Variants in IFNGR2 observed in about 807,000 individuals in gnomAD.
IFNGR2 encodes interferon gamma receptor 2.
A neutral mutation model predicts 41.1 loss-of-function variants in IFNGR2; 15 were observed. The ratio of observed to expected loss-of-function variants is 0.37; its 90% CI spans 0.24 to 0.56. The LOEUF (loss-of-function observed/expected upper bound fraction) is 0.56. Ranked by LOEUF, IFNGR2 falls within the 20% of genes least tolerant of loss-of-function variation. The pLI is 0.81. For missense variants in IFNGR2, 362 were observed against 415.7 expected, an observed-to-expected ratio of 0.87 and a Z score of 1.12; for synonymous variants, 161 against 171.6, an observed-to-expected ratio of 0.94 and a Z score of 0.48.
intron 1 of IFNGR2, among the ~76,000 whole-genome samples, chr21:33,406,146 G>A (rs939535485): frequency 6.6e-6 from 1 of 152,216 alleles, no homozygotes; most frequent in Non-Finnish European, 1.5e-5. Context: ...GCAGAGGTGA[G>A]CAGATCACCT....
intron 2 of IFNGR2, 117 bp from the exon 3 acceptor site, chr21:33,421,363 T>G (rs1438163468): frequency 2.7e-6 from 2 of 730,172 alleles, no homozygotes; most frequent in East Asian, 2.6e-5. Flanking sequence ...GGGGGGGAAC[T>G]GTATGGTACA....
intron 4 of IFNGR2, 114 bp downstream of exon 4, chr21:33,427,146 C>T (rs917591412): frequency 2.2e-6 from 2 of 916,662 alleles, no homozygotes; most frequent in Non-Finnish European, 3.6e-6. Flanking sequence ...GTCCCCGTGT[C>T]CCCATAGAGG....
chr21:33,403,670 G>A lies in IFNGR2; in HGVS notation c.73+54G>A, dbSNP rs2083657373. 3.3e-6 allele frequency: 4 copies of A among 1,217,616 alleles called. No individual in the cohort carries two copies. In the Admixed American group the frequency reaches 1.3e-4, roughly 39 times the overall value. 75.4% of individuals were successfully genotyped at this position (1,217,616 alleles called of 1,614,324 possible). A position where few individuals can be genotyped will look rare whatever the true frequency, so the allele number is the denominator to read the frequency against. On this transcript the variant is annotated intron_variant, in intron 1 of 6. Coordinates refer to ENST00000290219, the MANE Select transcript of IFNGR2 (RefSeq NM_005534.4). ...GACGCGGGCGCAGCCGCAGCATGTG[G>A]GGGCTGGGGGACTCCCGGATCGTGG... is the stretch of plus-strand genomic sequence containing the variant.
chr21:33,422,426 G>A (rs770301000), intron 3 of IFNGR2, among the ~76,000 whole-genome samples: 104 of 152,106 alleles, frequency 6.8e-4, no homozygotes, highest in Non-Finnish European at 9.7e-4. Context: ...TGTGATCACC[G>A]TCTAGATATT....
chr21:33,406,769 T>A (rs1414233028), intron 1 of IFNGR2, among the ~76,000 whole-genome samples: 2 of 151,228 alleles, frequency 1.3e-5, no homozygotes, highest in Non-Finnish European at 2.9e-5. Context: ...CACCTCAGCC[T>A]CCTGAGTAGC....
At chr21:33,435,712 G>A (rs1034940165) in intron 6 of IFNGR2, among the ~76,000 whole-genome samples, 10 of 151,738 alleles carry the variant, frequency 6.6e-5, no homozygotes, top group Non-Finnish European at 1.3e-4. Context: ...GTGAAACCCT[G>A]TCTCTACTAA....
At chr21:33,417,234 G>C (rs1423221280) in intron 2 of IFNGR2, among the ~76,000 whole-genome samples, 1 of 151,874 alleles carries the variant, frequency 6.6e-6, no homozygotes, top group African/African-American at 2.4e-5. Flanking sequence ...GGGACTATGG[G>C]CGCACACTGC....
chr21:33,429,328 A>G (rs116109475), intron 4 of IFNGR2, among the ~76,000 whole-genome samples: 1,689 of 118,874 alleles, frequency 0.014, 33 homozygotes, highest in African/African-American at 0.052. Context: ...CCCAGGACTC[A>G]GCACAGAGTC....
intron 4 of IFNGR2, among the ~76,000 whole-genome samples, chr21:33,427,254 C>T (rs187188188): frequency 1.3e-4 from 20 of 152,252 alleles, no homozygotes; most frequent in African/African-American, 4.8e-4. Context: ...AAGGGCCAGC[C>T]ATCCTTTGAT....
At chr21:33,427,834 CTCATT>C (rs1252847979) in intron 4 of IFNGR2, among the ~76,000 whole-genome samples, 4 of 137,378 alleles carry the variant, frequency 2.9e-5, no homozygotes, top group Non-Finnish European at 6.1e-5. Flanking sequence ...GATACTTCAT[CTCATT>C]TCATCTTTTT....
intron 1 of IFNGR2, among the ~76,000 whole-genome samples, chr21:33,410,657 G>A (rs781762800): frequency 2.6e-5 from 4 of 151,888 alleles, no homozygotes; most frequent in African/African-American, 7.3e-5. Flanking sequence ...TAGTAGAGAC[G>A]GGGTTTCACC....
At chr21:33,414,021 CAG>C (rs2083735507) in intron 1 of IFNGR2, among the ~76,000 whole-genome samples, 1 of 152,042 alleles carries the variant, frequency 6.6e-6, no homozygotes, top group African/African-American at 2.4e-5. Flanking sequence ...TTAGTAGAGA[CAG>C]AGTTTTGCCA....
chr21:33,412,462 GCTTT>G (rs1416695595), intron 1 of IFNGR2, among the ~76,000 whole-genome samples: 6 of 152,314 alleles, frequency 3.9e-5, no homozygotes, highest in Admixed American at 2.6e-4. Flanking sequence ...CCAAAAATGT[GCTTT>G]CTAAGTCTAA....
intron 2 of IFNGR2, among the ~76,000 whole-genome samples, chr21:33,418,174 A>C (rs1036090025): frequency 6.6e-6 from 1 of 152,140 alleles, no homozygotes; most frequent in African/African-American, 2.4e-5. Context: ...CTCCTGCCTC[A>C]GACTCCTGAG....
rs1294795764 is a variant in IFNGR2, at chr21:33,410,936, C to G, written c.74-3952C>G. On this transcript the variant is annotated intron_variant, in intron 1 of 6. Transcript: ENST00000290219. ...GGTGTAACCTGTATGAAACCTGCAT[C>G]TCACAACCACTGCTCCTTCTCCCCA... is the stretch of plus-strand genomic sequence containing the variant. 7 of 1,215,900 alleles carry G rather than the reference C, an allele frequency of 5.8e-6. No individual in the cohort carries two copies. The African/African-American group carries it at 9.0e-5, about 16-fold the overall frequency. The allele number at this position is 1,215,900 out of a possible 1,614,324, so 75.3% of individuals were successfully genotyped here.
intron 2 of IFNGR2, among the ~76,000 whole-genome samples, chr21:33,420,524 C>T (rs2083784299): frequency 6.6e-6 from 1 of 152,102 alleles, no homozygotes; most frequent in Admixed American, 6.6e-5. Context: ...TTTGAATGGG[C>T]AGCTATGGGT....
intron 2 of IFNGR2, among the ~76,000 whole-genome samples, chr21:33,419,560 AT>A (rs1284050945): frequency 6.6e-6 from 1 of 151,472 alleles, no homozygotes; most frequent in African/African-American, 2.4e-5. Flanking sequence ...AAATGTGAGC[AT>A]TTTTTCATGT....
intron 1 of IFNGR2, among the ~76,000 whole-genome samples, chr21:33,406,627 GA>G (rs1014175058): frequency 8.7e-4 from 112 of 129,244 alleles, no homozygotes; most frequent in African/African-American, 2.9e-3. Flanking sequence ...TATGGTCAGA[GA>G]AAAAAAAAAG....
At chr21:33,429,593 C>T (rs1428041026) in intron 4 of IFNGR2, among the ~76,000 whole-genome samples, 1 of 152,164 alleles carries the variant, frequency 6.6e-6, no homozygotes, top group Non-Finnish European at 1.5e-5. Context: ...ACGCAGGATA[C>T]ACTTCATTGC....
Sources: allele counts gnomAD v4.1 joint callset (sites outside exome capture counted in the v4.1 genomes callset), GRCh38; gene constraint gnomAD v4.1.1; transcripts MANE v1.5; gene names NCBI Gene and HGNC (gene_info 2026-07-23, HGNC 2026-07-21).